CDS1: variants seen among roughly 807,000 people sequenced by gnomAD.
CDS1 encodes CDP-diacylglycerol synthase 1, also known as phosphatidate cytidylyltransferase 1.
CDS1 carries 41 observed loss-of-function variants against 62.1 expected under a neutral mutation model. The observed-to-expected ratio is 0.66, with a 90% CI of 0.51 to 0.86. The LOEUF is 0.86. Ranked by LOEUF, CDS1 falls within the 40% of genes least tolerant of loss-of-function variation. The pLI is 0.00. For synonymous variants in CDS1, 185 were observed against 192.6 expected (o/e 0.96, Z 0.32); for missense variants, 470 against 550.1 (o/e 0.85, Z 1.46).
chr4:84,598,126 C>CAAAAAA (rs879924741), intron 1 of CDS1, among the ~76,000 whole-genome samples: 1 of 82,976 alleles, frequency 1.2e-5, no homozygotes, highest in Non-Finnish European at 2.6e-5. Flanking sequence ...ACTCCATCTC[C>CAAAAAA]AAAAAAAAAA....
chr4:84,641,082 T>A, intron 10 of CDS1, 92 bp downstream of exon 10: 1 of 839,896 alleles, frequency 1.2e-6, no homozygotes, highest in Non-Finnish European at 1.6e-6. Context: ...TTAATTAATT[T>A]ATTGTTGTTT....
At chr4:84,615,971 A>T (rs1723480951) in intron 3 of CDS1, among the ~76,000 whole-genome samples, 1 of 152,182 alleles carries the variant, frequency 6.6e-6, no homozygotes, top group South Asian at 2.1e-4. Context: ...GCTATAGTTG[A>T]TGATCATATA....
intron 8 of CDS1, among the ~76,000 whole-genome samples, chr4:84,636,744 A>G (rs1560482124): frequency 1.3e-5 from 2 of 151,952 alleles, no homozygotes; most frequent in Admixed American, 1.3e-4. Context: ...AGGCTGGTCT[A>G]GAACTCCTGA....
chr4:84,610,465 C>T (rs1723283739), intron 3 of CDS1, among the ~76,000 whole-genome samples: 1 of 152,126 alleles, frequency 6.6e-6, no homozygotes, highest in African/African-American at 2.4e-5. Flanking sequence ...GTCAGGAAGC[C>T]AAACAAGTAT....
At chr4:84,619,613 T>C (rs1025141197) in intron 5 of CDS1, 80 bp downstream of exon 5, 7 of 882,734 alleles carry the variant, frequency 7.9e-6, no homozygotes, top group East Asian at 3.1e-5. Flanking sequence ...TTTTAATTAG[T>C]AATTTTTTGG....
intron 4 of CDS1, 89 bp from the exon 5 acceptor site, chr4:84,619,305 G>C: frequency 1.6e-6 from 1 of 610,688 alleles, no homozygotes; most frequent in Non-Finnish European, 2.6e-6. Context: ...TTTGATCTTT[G>C]TGTCATCAGA....
intron 1 of CDS1, among the ~76,000 whole-genome samples, chr4:84,585,792 G>A (rs1722398779): frequency 6.6e-6 from 1 of 152,202 alleles, no homozygotes; most frequent in African/African-American, 2.4e-5. Flanking sequence ...CTTACCTGCA[G>A]AGGAATGTTC....
rs995414211 is a variant in CDS1, at chr4:84,618,418, C to T, written c.440+757C>T. On this transcript the variant is annotated intron_variant, in intron 4 of 12. Coordinates refer to ENST00000295887, the MANE Select transcript of CDS1 (RefSeq NM_001263.4). ...AATTGGAGAATAATTAAATGTAAAA[C>T]CATGCAGTATTGATTCTAAGTATTA... Among the ~76,000 whole-genome samples the T allele has an allele frequency of 3.2e-4, 48 of 152,004 alleles. 1 individual carries two copies. Among genetic ancestry groups the T allele is most frequent in the Non-Finnish European group, 1.3e-4 (9 of 68,010 alleles).
intron 1 of CDS1, among the ~76,000 whole-genome samples, chr4:84,588,557 T>C (rs938936774): frequency 3.3e-5 from 5 of 152,108 alleles, no homozygotes; most frequent in African/African-American, 1.2e-4. Flanking sequence ...GGCTAGACTT[T>C]TTAAAAGATA....
intron 3 of CDS1, among the ~76,000 whole-genome samples, chr4:84,613,861 C>T (rs369158706): frequency 1.6e-4 from 25 of 152,140 alleles, no homozygotes; most frequent in East Asian, 1.6e-3. Flanking sequence ...ACTTTTAATT[C>T]GTGCTATGTA....
At chr4:84,607,693 A>G (rs1222096000) in intron 2 of CDS1, among the ~76,000 whole-genome samples, 1 of 152,016 alleles carries the variant, frequency 6.6e-6, no homozygotes, top group African/African-American at 2.4e-5. Flanking sequence ...CCCAGGAGTT[A>G]GAGACCAGCC....
At chr4:84,589,879 C>T (rs1422576171) in intron 1 of CDS1, among the ~76,000 whole-genome samples, 2 of 152,110 alleles carry the variant, frequency 1.3e-5, no homozygotes, top group African/African-American at 4.8e-5. Flanking sequence ...GGCGCGACCT[C>T]GGCTCACTGC....
In CDS1 at chr4:84,583,274, T is replaced by C. The variant is rs1252088862; in HGVS notation, c.-128T>C. On this transcript the variant is annotated 5_prime_UTR_variant, in exon 1 of 13. Transcript: ENST00000295887. Reference sequence around the variant, plus strand: ...CCGCTCTATGGTGGGGCCGCGTTAGTGGCTGCGGCTCCGCGGGACTCCAGG... The same window carrying C: ...CCGCTCTATGGTGGGGCCGCGTTAGCGGCTGCGGCTCCGCGGGACTCCAGG... The C allele has an allele frequency of 1.6e-6, 1 of 634,230 alleles. No individual in the cohort carries two copies. The highest frequency in any genetic ancestry group is 2.7e-6 in the Non-Finnish European group (1 of 370,826). 39.3% of individuals were successfully genotyped at this position (634,230 alleles called of 1,614,324 possible). A position where few individuals can be genotyped will look rare whatever the true frequency, so the allele number is the denominator to read the frequency against.
intron 1 of CDS1, among the ~76,000 whole-genome samples, chr4:84,592,558 A>G (rs996552680): frequency 5.9e-5 from 9 of 152,186 alleles, no homozygotes; most frequent in Non-Finnish European, 1.2e-4. Flanking sequence ...AAATGAGGTG[A>G]AAGATATTTT....
intron 5 of CDS1, among the ~76,000 whole-genome samples, chr4:84,626,453 CT>C (rs1723864639): frequency 6.6e-6 from 1 of 152,096 alleles, no homozygotes; most frequent in Admixed American, 6.6e-5. Context: ...CACAAATGTA[CT>C]TTTTGTTTGT....
At chr4:84,602,860 C>T (rs1352850260) in intron 1 of CDS1, among the ~76,000 whole-genome samples, 3 of 152,048 alleles carry the variant, frequency 2.0e-5, no homozygotes, top group East Asian at 3.9e-4. Flanking sequence ...AACTGACTCT[C>T]GGTGTCACAG....
intron 2 of CDS1, among the ~76,000 whole-genome samples, chr4:84,606,699 A>T (rs550438023): frequency 2.0e-5 from 3 of 151,860 alleles, no homozygotes; most frequent in African/African-American, 7.3e-5. Flanking sequence ...CTTTTTTTTT[A>T]AAACAGGGTT....
rs537138027 is a variant in CDS1 at position 84,641,228 on chromosome 4, C to T, written c.1032+238C>T. Reference sequence around the variant, plus strand: ...ATTACAGGCGCTCGCCACCACATCTCGCTAAATTTTGTATTTTAAGTAGAG... The same window carrying T: ...ATTACAGGCGCTCGCCACCACATCTTGCTAAATTTTGTATTTTAAGTAGAG... On this transcript the variant is annotated intron_variant, in intron 10 of 12. Coordinates refer to ENST00000295887, the MANE Select transcript of CDS1 (RefSeq NM_001263.4). Among the ~76,000 whole-genome samples the T allele has an allele frequency of 8.5e-5, 13 of 152,104 alleles. No homozygotes were observed. The East Asian group carries it at 1.7e-3, about 20-fold the overall frequency.
chr4:84,589,716 G>C (rs897825251), intron 1 of CDS1, among the ~76,000 whole-genome samples: 24 of 152,322 alleles, frequency 1.6e-4, no homozygotes, highest in Middle Eastern at 3.4e-3. Context: ...ACTGCAGTGA[G>C]GAACACTTCC....
Sources: gnomAD v4.1 joint callset for allele counts (sites outside exome capture counted in the v4.1 genomes callset) on GRCh38, gnomAD v4.1.1 for gene constraint, MANE v1.5 for transcripts, NCBI Gene and HGNC (gene_info 2026-07-23, HGNC 2026-07-21) for gene names.